ZNF674: variants seen among roughly 807,000 people sequenced by gnomAD.
ZNF674 encodes zinc finger family member 674.
A neutral mutation model predicts 7.0 loss-of-function variants in ZNF674; 2 were observed. That is an observed-to-expected ratio of 0.29 (90% CI 0.12 to 0.90). The LOEUF is 0.90. ZNF674 is among the 40% of genes least tolerant of loss of function. The pLI is 0.57. For synonymous variants in ZNF674, 103 were observed against 145.2 expected (o/e 0.71, Z 2.09); for missense variants, 297 against 415.5 (o/e 0.71, Z 2.48).
chrX:46,516,315 A>G (rs1291130606), intron 5 of ZNF674, among the ~76,000 whole-genome samples: 1 of 112,051 alleles, frequency 8.9e-6, no homozygotes, highest in Non-Finnish European at 1.9e-5. Context: ...AGCAACTCAT[A>G]CATCAGTGGG....
chrX:46,511,003 G>T (rs776168408), intron 5 of ZNF674, among the ~76,000 whole-genome samples: 1 of 111,585 alleles, frequency 9.0e-6, no homozygotes, highest in South Asian at 3.8e-4. Context: ...TCATTGGGAG[G>T]ATTCAACTAT....
At chrX:46,524,584 G>T (rs757823104) in intron 5 of ZNF674, among the ~76,000 whole-genome samples, 7 of 109,649 alleles carry the variant, frequency 6.4e-5, no homozygotes, top group Non-Finnish European at 1.3e-4. Flanking sequence ...TAATCCCAGG[G>T]ATGCTGAGGT....
At chrX:46,518,322 T>C (rs1941807596) in intron 5 of ZNF674, among the ~76,000 whole-genome samples, 1 of 112,330 alleles carries the variant, frequency 8.9e-6, no homozygotes, top group Admixed American at 9.5e-5. Context: ...TCGAAAACTG[T>C]AACATGAAAG....
chrX:46,520,360 T>C (rs989098452), intron 5 of ZNF674, among the ~76,000 whole-genome samples: 3 of 110,573 alleles, frequency 2.7e-5, no homozygotes, highest in Non-Finnish European at 3.8e-5. Flanking sequence ...GATCGCACCA[T>C]TGCACTCCAG....
intron 5 of ZNF674, among the ~76,000 whole-genome samples, chrX:46,519,262 ATAAAGATAGATGAT>A (rs1941849662): frequency 2.9e-3 from 157 of 53,332 alleles, no homozygotes; most frequent in African/African-American, 0.01. Context: ...AGATAGATAG[ATAAAGATAGATGAT>A]AGATAGATAG....
intron 4 of ZNF674, 130 bp downstream of exon 4, chrX:46,528,653 G>A (rs1421244468): frequency 9.0e-7 from 1 of 1,108,554 alleles, no homozygotes; most frequent in East Asian, 3.1e-5. Context: ...ACTACACAGT[G>A]GGCAGTAACC....
chrX:46,504,242 G>A (rs1002326712), intron 5 of ZNF674, among the ~76,000 whole-genome samples: 2 of 111,738 alleles, frequency 1.8e-5, no homozygotes, highest in African/African-American at 3.3e-5. Context: ...TCATATTTCC[G>A]CTAGCACAGC....
chrX:46,515,100 G>A (rs1013191300), intron 5 of ZNF674, among the ~76,000 whole-genome samples: 15 of 111,407 alleles, frequency 1.3e-4, no homozygotes, highest in African/African-American at 4.9e-4. Context: ...TAGGCGTGAT[G>A]GTGCATGCGT....
intron 5 of ZNF674, among the ~76,000 whole-genome samples, chrX:46,520,822 T>A (rs1373391552): frequency 9.0e-6 from 1 of 111,690 alleles, no homozygotes; most frequent in Non-Finnish European, 1.9e-5. Context: ...TTCAACTATA[T>A]CATGTCTACA....
chrX:46,502,315 AAAAG>A, intron 5 of ZNF674, among the ~76,000 whole-genome samples: 1 of 108,588 alleles, frequency 9.2e-6, no homozygotes, highest in Non-Finnish European at 1.9e-5. Flanking sequence ...CAAAAAAAAA[AAAAG>A]AAAAGAAAAT....
intron 5 of ZNF674, among the ~76,000 whole-genome samples, chrX:46,507,887 T>A (rs1941571093): frequency 8.9e-6 from 1 of 112,024 alleles, no homozygotes; most frequent in Non-Finnish European, 1.9e-5. Flanking sequence ...CCATTAAAAC[T>A]AATTATAGTT....
chrX:46,509,236 T>G (rs1454709874), intron 5 of ZNF674, among the ~76,000 whole-genome samples: 1 of 103,989 alleles, frequency 9.6e-6, no homozygotes, highest in Non-Finnish European at 2.0e-5. Flanking sequence ...GGGCAAGGAC[T>G]TCATGTCTAA....
chrX:46,533,077 A>C (rs1942137355), intron 3 of ZNF674, among the ~76,000 whole-genome samples: 1 of 111,746 alleles, frequency 8.9e-6, no homozygotes, highest in Non-Finnish European at 1.9e-5. Flanking sequence ...TGTAGACATA[A>C]AAGATTTCCA....
intron 5 of ZNF674, among the ~76,000 whole-genome samples, chrX:46,505,203 T>TA (rs1941511440): frequency 8.9e-6 from 1 of 111,868 alleles, no homozygotes; most frequent in African/African-American, 3.2e-5. Flanking sequence ...CTTTTATTTT[T>TA]AAAAAAATGA....
chrX:46,506,440 G>A (rs5906220), intron 5 of ZNF674, among the ~76,000 whole-genome samples: 25,300 of 108,742 alleles, frequency 0.23, 2,734 homozygotes, highest in Middle Eastern at 0.36. Flanking sequence ...AACTATCCCT[G>A]TGGGGATTTA....
At chrX:46,519,518 G>C (rs1274112870) in intron 5 of ZNF674, among the ~76,000 whole-genome samples, 1 of 107,697 alleles carries the variant, frequency 9.3e-6, no homozygotes, top group Non-Finnish European at 1.9e-5. Flanking sequence ...TGGGGCAGGA[G>C]AATCGCTTGA....
rs1262651960 is a variant in ZNF674, at chrX:46,500,694, G to C, written c.880C>G (p.Gln294Glu). The C allele has an allele frequency of 2.5e-6, 3 of 1,210,382 alleles. No individual in the cohort carries two copies. Among genetic ancestry groups the C allele is most frequent in the Non-Finnish European group, 2.2e-6 (2 of 895,310 alleles). ...FIQKSTLIKHQRTHTGEKPFV... is the reference protein window; with the variant it reads ...FIQKSTLIKHERTHTGEKPFV... Reference sequence around the variant, plus strand: ...GGTTTCTCTCCTGTATGAGTTCGTTGATGTTTAATCAGAGTTGACTTCTGG... The same window carrying C: ...GGTTTCTCTCCTGTATGAGTTCGTTCATGTTTAATCAGAGTTGACTTCTGG... The change falls in exon 6 of 6, where the codon CAA (glutamine) becomes GAA (glutamate). Residue 294 changes from glutamine to glutamate, a missense_variant. Physicochemically the swap from Gln to Glu is conservative, Grantham distance 29. Transcript: ENST00000683375.
chrX:46,517,590 A>G (rs1463890527), intron 5 of ZNF674, among the ~76,000 whole-genome samples: 1 of 111,858 alleles, frequency 8.9e-6, no homozygotes, highest in Non-Finnish European at 1.9e-5. Context: ...GCCAGAGGAA[A>G]AAAAGGTACA....
In ZNF674 at chrX:46,500,540, C is replaced by T. The variant is rs201399961; in HGVS notation, c.1034G>A (p.Arg345Lys). The T allele has an allele frequency of 5.0e-6, 6 of 1,210,093 alleles. No individual in the cohort carries two copies. The highest frequency in any genetic ancestry group is 2.3e-4 in the Middle Eastern group (1 of 4,351). The change falls in exon 6 of 6, where the codon AGA (arginine) becomes AAA (lysine). Residue 345 changes from arginine to lysine, a missense_variant. Arg to Lys is a conservative substitution (Grantham distance 26). Coordinates refer to ENST00000683375, the MANE Select transcript of ZNF674 (RefSeq NM_001190417.2). ...CTGAGGTTTCTCACTTGTGTGAATT[C>T]TTTGATATATAAGGCTGGACGTAGT... The part of the protein sequence containing the change: ...KCTTSSLIYQ[R>K]IHTSEKPQCS...
Sources: gnomAD v4.1 joint callset for allele counts (sites outside exome capture counted in the v4.1 genomes callset) on GRCh38, gnomAD v4.1.1 for gene constraint, MANE v1.5 for transcripts, NCBI Gene and HGNC (gene_info 2026-07-23, HGNC 2026-07-21) for gene names.